The following AP4S1 variants were observed in gnomAD, a reference collection of about 807,000 sequenced individuals.
AP4S1 encodes the protein AP-4 complex subunit sigma-1.
In AP4S1, 23 loss-of-function variants were observed where a neutral mutation model predicts 19.8. The observed-to-expected ratio is 1.16, with a 90% CI of 0.84 to 1.65. The LOEUF is 1.65. Among genes scored for constraint, AP4S1 ranks in the 40% most tolerant of loss-of-function variants. The pLI, the probability that AP4S1 is intolerant of heterozygous loss-of-function variation, is 0.00. For synonymous variants in AP4S1, 46 were observed against 54.1 expected (o/e 0.85, Z 0.66); for missense variants, 166 against 172.8 (o/e 0.96, Z 0.22).
chr14:31,040,929 C>T (rs1056358832), intron 1 of AP4S1, among the ~76,000 whole-genome samples: 1 of 151,496 alleles, frequency 6.6e-6, no homozygotes, highest in Admixed American at 6.6e-5. Context: ...AAAAAATTAG[C>T]CAGGCATGGT....
At chr14:31,049,652 T>G (rs1885667989) in intron 1 of AP4S1, among the ~76,000 whole-genome samples, 1 of 151,596 alleles carries the variant, frequency 6.6e-6, no homozygotes, top group Admixed American at 6.6e-5. Flanking sequence ...TTTAAAATTT[T>G]TATTTATTTG....
At chr14:31,044,836 T>C (rs185930245) in intron 1 of AP4S1, among the ~76,000 whole-genome samples, 176 of 152,176 alleles carry the variant, frequency 1.2e-3, no homozygotes, top group African/African-American at 4.0e-3. Flanking sequence ...AGATGAACCT[T>C]GTGAAGAGTG....
intron 4 of AP4S1, among the ~76,000 whole-genome samples, chr14:31,077,832 TTCAA>T (rs1887446451): frequency 1.3e-5 from 2 of 151,474 alleles, no homozygotes; most frequent in African/African-American, 4.9e-5. Context: ...GACTCCCTTG[TTCAA>T]GCAATTCTCC....
intron 1 of AP4S1, among the ~76,000 whole-genome samples, chr14:31,059,857 T>G (rs1460879961): frequency 6.6e-6 from 1 of 151,586 alleles, no homozygotes; most frequent in East Asian, 1.9e-4. Context: ...CAGCTTAGTG[T>G]GTAGAATTGC....
At chr14:31,075,306 C>A (rs955740622) in intron 4 of AP4S1, among the ~76,000 whole-genome samples, 8 of 152,320 alleles carry the variant, frequency 5.3e-5, no homozygotes, top group African/African-American at 1.9e-4. Flanking sequence ...TGGCTTATTT[C>A]ACTGAACATA....
chr14:31,066,570 AT>A (rs1276940076), intron 2 of AP4S1, among the ~76,000 whole-genome samples: 38 of 152,306 alleles, frequency 2.5e-4, no homozygotes, highest in African/African-American at 9.1e-4. Flanking sequence ...AAGTCAGCAT[AT>A]TTGTCTCAAT....
In AP4S1 at chr14:31,093,014, TGATAA is replaced by T. The variant is rs1175067705; in HGVS notation, c.418_422del (p.Lys140ValfsTer74). The T allele has an allele frequency of 3.9e-6, 6 of 1,548,334 alleles. No homozygotes were observed. The highest frequency in any genetic ancestry group is 1.2e-5 in the South Asian group (1 of 83,484). The stretch of plus-strand genomic sequence containing the variant: ...GAATTCTTGCCCCTCTACTAATTCT[TGATAA>T]GATGTCAGAAAGCTGAAAGGAAGTC... On this transcript the variant is annotated frameshift_variant, in exon 6 of 6. Transcript: ENST00000542754. LOFTEE classifies it high-confidence loss of function.
At chr14:31,072,826 C>A in intron 3 of AP4S1, 79 bp from the exon 4 acceptor site, 1 of 1,188,874 alleles carries the variant, frequency 8.4e-7, no homozygotes, top group Non-Finnish European at 1.3e-6. Flanking sequence ...AAAACCTGGA[C>A]ACTGACTGGG....
intron 1 of AP4S1, among the ~76,000 whole-genome samples, chr14:31,055,716 T>C (rs1397083493): frequency 1.6e-5 from 1 of 63,714 alleles, no homozygotes; most frequent in East Asian, 3.1e-4. Flanking sequence ...TTGTCTGATA[T>C]TACCTTAGTG....
At chr14:31,032,027 C>G (rs1368587068) in intron 1 of AP4S1, among the ~76,000 whole-genome samples, 3 of 148,508 alleles carry the variant, frequency 2.0e-5, no homozygotes, top group Non-Finnish European at 4.4e-5. Context: ...GCTATGATCA[C>G]ACCACTGGGT....
At chr14:31,062,342 G>A (rs1007398536) in intron 1 of AP4S1, among the ~76,000 whole-genome samples, 7 of 151,906 alleles carry the variant, frequency 4.6e-5, no homozygotes, top group East Asian at 2.0e-4. Flanking sequence ...CAGGCAGTCC[G>A]CCCTCCTCGG....
At chr14:31,081,894 G>C (rs1030494699) in intron 5 of AP4S1, among the ~76,000 whole-genome samples, 1 of 151,616 alleles carries the variant, frequency 6.6e-6, no homozygotes, top group Non-Finnish European at 1.5e-5. Context: ...ATGGGGTTTC[G>C]CCATGTTAGC....
chr14:31,051,884 C>A (rs564278598), intron 1 of AP4S1, among the ~76,000 whole-genome samples: 2 of 152,296 alleles, frequency 1.3e-5, no homozygotes, highest in Admixed American at 1.3e-4. Context: ...TGGTTTCAAA[C>A]TCCTGAGCTC....
intron 1 of AP4S1, among the ~76,000 whole-genome samples, chr14:31,040,344 G>A (rs1885039954): frequency 6.6e-6 from 1 of 151,658 alleles, no homozygotes; most frequent in African/African-American, 2.4e-5. Context: ...GTTGAGATGG[G>A]GTTTCGCCAT....
intron 4 of AP4S1, among the ~76,000 whole-genome samples, chr14:31,074,469 G>T (rs867616729): frequency 6.6e-6 from 1 of 152,136 alleles, no homozygotes; most frequent in African/African-American, 2.4e-5. Context: ...TGGCTAACAC[G>T]GTGAAACCCT....
At chr14:31,062,924 G>T (rs542629603) in intron 1 of AP4S1, among the ~76,000 whole-genome samples, 1 of 151,182 alleles carries the variant, frequency 6.6e-6, no homozygotes, top group Non-Finnish European at 1.5e-5. Context: ...CCGAGATTAC[G>T]CCACTGCATT....
chr14:31,084,738 C>T, intron 5 of AP4S1: 1 of 1,613,780 alleles, frequency 6.2e-7, no homozygotes, highest in Non-Finnish European at 8.5e-7. Context: ...TTTAAGACTT[C>T]AAATTTTATG....
chr14:31,092,906 G>T lies in AP4S1; in HGVS notation c.307-1G>T, dbSNP rs1334993564. The T allele has an allele frequency of 2.6e-6, 4 of 1,517,148 alleles. No homozygotes were observed. In the South Asian group the frequency reaches 3.9e-5, roughly 15 times the overall value. 94.0% of individuals were successfully genotyped at this position (1,517,148 alleles called of 1,614,324 possible). ...AACTAATTTCCTTAATATAACCGTA[G>T]ATAATGTTTAATTTGGATAAAGTAC... is the stretch of plus-strand genomic sequence containing the variant. On this transcript the variant is annotated splice_acceptor_variant, in intron 5 of 5. Coordinates refer to ENST00000542754, the MANE Select transcript of AP4S1 (RefSeq NM_001128126.3). LOFTEE classifies it high-confidence loss of function.
At chr14:31,085,485 A>G (rs1457778753) in intron 5 of AP4S1, 1 of 985,890 alleles carries the variant, frequency 1.0e-6, no homozygotes, top group Non-Finnish European at 1.2e-6. Context: ...ATTTAAAGAC[A>G]TCTTTAGACC....
Sources: allele counts gnomAD v4.1 joint callset (sites outside exome capture counted in the v4.1 genomes callset), GRCh38; gene constraint gnomAD v4.1.1; transcripts MANE v1.5; gene names NCBI Gene and HGNC (gene_info 2026-07-23, HGNC 2026-07-21).